The following ROBO2 variants were observed in gnomAD, a reference collection of about 807,000 sequenced individuals.
ROBO2 encodes the protein roundabout guidance receptor 2, also known as roundabout homolog 2.
A neutral mutation model predicts 160.8 loss-of-function variants in ROBO2; 53 were observed. That is an observed-to-expected ratio of 0.33 (90% CI 0.26 to 0.41). The LOEUF is 0.41. Ranked by LOEUF, ROBO2 falls within the 10% of genes least tolerant of loss-of-function variation. The pLI is 1.00. For synonymous variants in ROBO2, 664 were observed against 611.7 expected (o/e 1.09, Z -1.26); for missense variants, 1,577 against 1,722.4 (o/e 0.92, Z 1.49).
At chr3:76,427,786 T>G (rs1361741026) in intron 2 of ROBO2, among the ~76,000 whole-genome samples, 1 of 152,200 alleles carries the variant, frequency 6.6e-6, no homozygotes, top group Non-Finnish European at 1.5e-5. Flanking sequence ...TATAGCTATC[T>G]CTTTAAATGA....
intron 2 of ROBO2, among the ~76,000 whole-genome samples, chr3:76,880,282 C>A (rs921170779): frequency 5.3e-5 from 8 of 151,964 alleles, no homozygotes; most frequent in African/African-American, 1.7e-4. Context: ...ACAGTGGGAC[C>A]TAATTGAATA....
intron 1 of ROBO2, among the ~76,000 whole-genome samples, chr3:75,913,397 A>T (rs1946680000): frequency 6.6e-6 from 1 of 152,176 alleles, no homozygotes. Flanking sequence ...TGGGACTATT[A>T]TGCAGCCTAT....
intron 2 of ROBO2, among the ~76,000 whole-genome samples, chr3:75,980,719 CAT>C (rs2065250666): frequency 6.6e-6 from 1 of 151,518 alleles, no homozygotes; most frequent in African/African-American, 2.4e-5. Context: ...TGACTGGACA[CAT>C]ATATCTCTGA....
chr3:76,322,645 A>G (rs2072662447), intron 2 of ROBO2, among the ~76,000 whole-genome samples: 2 of 152,282 alleles, frequency 1.3e-5, no homozygotes, highest in Non-Finnish European at 2.9e-5. Flanking sequence ...AATTAATTTT[A>G]AAAAGAAGCG....
chr3:77,369,535 G>A (rs901002997), intron 2 of ROBO2, among the ~76,000 whole-genome samples: 4 of 152,184 alleles, frequency 2.6e-5, no homozygotes, highest in Admixed American at 1.3e-4. Context: ...TCTGAGGCAA[G>A]TTGCATACTT....
intron 1 of ROBO2, among the ~76,000 whole-genome samples, chr3:75,919,948 T>C (rs1309015257): frequency 6.6e-6 from 1 of 152,178 alleles, no homozygotes; most frequent in Non-Finnish European, 1.5e-5. Context: ...TTAGTCTGGC[T>C]ACCGGTCTAT....
intron 2 of ROBO2, among the ~76,000 whole-genome samples, chr3:76,763,396 A>G (rs2061409378): frequency 6.6e-6 from 1 of 151,732 alleles, no homozygotes; most frequent in South Asian, 2.1e-4. Context: ...GTGCCAGCCA[A>G]TGTCTCAGGC....
intron 2 of ROBO2, among the ~76,000 whole-genome samples, chr3:77,415,852 T>C (rs1378624921): frequency 1.3e-5 from 2 of 152,142 alleles, no homozygotes; most frequent in Non-Finnish European, 2.9e-5. Context: ...CTGCCCGCAG[T>C]GCAGCAAACA....
chr3:76,438,976 T>G (rs537016373), intron 2 of ROBO2, among the ~76,000 whole-genome samples: 31 of 151,202 alleles, frequency 2.1e-4, no homozygotes, highest in East Asian at 5.8e-4. Flanking sequence ...AGGATTTGGG[T>G]TTTTTTTTAC....
chr3:76,779,315 T>C (rs571277651), intron 2 of ROBO2, among the ~76,000 whole-genome samples: 1 of 151,114 alleles, frequency 6.6e-6, no homozygotes, highest in African/African-American at 2.4e-5. Context: ...AAGTTTCCTC[T>C]AGCCTCCTTT....
chr3:75,926,702 C>T (rs1210319490), intron 1 of ROBO2, among the ~76,000 whole-genome samples: 2 of 152,132 alleles, frequency 1.3e-5, no homozygotes, highest in Non-Finnish European at 1.5e-5. Context: ...TAAAGCTTGG[C>T]ATCAAATTGA....
At chr3:76,481,139 G>A (rs145892558) in intron 2 of ROBO2, among the ~76,000 whole-genome samples, 1,760 of 152,166 alleles carry the variant, frequency 0.012, 14 homozygotes, top group Non-Finnish European at 0.016. Flanking sequence ...TTGTGATGTC[G>A]CGGTTTTTGA....
At chr3:77,457,495 G>A (rs978579408) in intron 2 of ROBO2, among the ~76,000 whole-genome samples, 1 of 152,072 alleles carries the variant, frequency 6.6e-6, no homozygotes, top group Admixed American at 6.5e-5. Context: ...GTGTTAAAAT[G>A]CCTATATATA....
At chr3:76,867,783 A>T (rs2148657753) in intron 2 of ROBO2, among the ~76,000 whole-genome samples, 1 of 152,334 alleles carries the variant, frequency 6.6e-6, no homozygotes, top group African/African-American at 2.4e-5. Flanking sequence ...AGCTCATTGC[A>T]TGAGCCTTGG....
intron 2 of ROBO2, among the ~76,000 whole-genome samples, chr3:77,321,271 C>CT (rs1191368693): frequency 6.6e-6 from 1 of 152,060 alleles, no homozygotes; most frequent in Non-Finnish European, 1.5e-5. Context: ...AAACCCAGCA[C>CT]TTTAAGAGGT....
intron 2 of ROBO2, among the ~76,000 whole-genome samples, chr3:76,927,046 A>G (rs940021395): frequency 2.0e-5 from 3 of 152,180 alleles, no homozygotes; most frequent in Non-Finnish European, 4.4e-5. Context: ...GACGGAAGAC[A>G]TGAGATTATT....
At position 77,267,200 on chromosome 3, in the gene ROBO2, T is replaced by C. The variant is rs142195004; in HGVS notation, c.388+168860T>C. Among the ~76,000 whole-genome samples the C allele has an allele frequency of 2.4e-3, 362 of 152,276 alleles. 2 individuals are homozygous for C. Among genetic ancestry groups the C allele is most frequent in the African/African-American group, 8.4e-3 (348 of 41,560 alleles). On this transcript the variant is annotated intron_variant, in intron 2 of 25. Transcript: ENST00000461745. ...TCTAGTTTGTATGCTGTTTCAAACA[T>C]GCCCAGGACTCCCAAGTTCAAAGGT...
chr3:77,584,699 C>G (rs1039408024), intron 16 of ROBO2, among the ~76,000 whole-genome samples: 6 of 151,894 alleles, frequency 4.0e-5, no homozygotes, highest in African/African-American at 7.2e-5. Flanking sequence ...CTTAATTAGT[C>G]ATTCAGACTG....
At chr3:77,176,167 T>A (rs1327036068) in intron 2 of ROBO2, among the ~76,000 whole-genome samples, 2 of 151,918 alleles carry the variant, frequency 1.3e-5, no homozygotes, top group African/African-American at 4.8e-5. Context: ...AAGGGAATTC[T>A]AAGAAGCAAG....
Sources: allele counts gnomAD v4.1 joint callset (sites outside exome capture counted in the v4.1 genomes callset), GRCh38; gene constraint gnomAD v4.1.1; transcripts MANE v1.5; gene names NCBI Gene and HGNC (gene_info 2026-07-23, HGNC 2026-07-21).